CLYBL: variants seen among roughly 807,000 people sequenced by gnomAD.
The protein encoded by CLYBL is citramalyl-CoA lyase, also known as citramalyl-CoA lyase, mitochondrial.
A neutral mutation model predicts 38.9 loss-of-function variants in CLYBL; 31 were observed. The ratio of observed to expected loss-of-function variants is 0.80; its 90% CI spans 0.60 to 1.08. The LOEUF (loss-of-function observed/expected upper bound fraction) is 1.08, where lower values mean the gene tolerates loss of function less well. Among genes scored for constraint, CLYBL ranks in the 50% least tolerant of loss-of-function variants. CLYBL has a pLI of 0.00. For missense variants in CLYBL, 434 were observed against 411.6 expected, an observed-to-expected ratio of 1.05 and a Z score of -0.47; for synonymous variants, 171 against 158.6, an observed-to-expected ratio of 1.08 and a Z score of -0.59.
intron 2 of CLYBL, among the ~76,000 whole-genome samples, chr13:99,819,438 ATATATATATATATATATATATAT>A (rs2050534836): frequency 2.9e-5 from 3 of 104,978 alleles, no homozygotes; most frequent in Admixed American, 8.9e-5. Flanking sequence ...ATATATATAT[ATATATATATATATATATATATAT>A]ATATATAATA....
chr13:99,902,741 T>C (rs2052655888), intron 8 of CLYBL, among the ~76,000 whole-genome samples: 1 of 152,230 alleles, frequency 6.6e-6, no homozygotes, highest in African/African-American at 2.4e-5. Flanking sequence ...AGAGTCCCAG[T>C]TTGTTGACCT....
chr13:99,840,774 AAAAAAAG>A lies in CLYBL; in HGVS notation c.250-18086_250-18080del, dbSNP rs1392666583. 5.5e-4 allele frequency among the ~76,000 whole-genome samples: 81 copies of A among 146,666 alleles called. 1 individual carries two copies. The highest frequency in any genetic ancestry group is 1.9e-3 in the African/African-American group (70 of 37,718). Reference sequence around the variant, plus strand: ...TCAAAAAAAAAAAAAAAAAAAAAAAAAAAAAAGGGTTACATATGCATATGAAAAAAGG... The same window carrying A: ...TCAAAAAAAAAAAAAAAAAAAAAAAAGGTTACATATGCATATGAAAAAAGG... On this transcript the variant is annotated intron_variant, in intron 2 of 8. Transcript: ENST00000339105.
chr13:99,656,071 G>T (rs2047325814), intron 1 of CLYBL, among the ~76,000 whole-genome samples: 1 of 151,992 alleles, frequency 6.6e-6, no homozygotes, highest in Admixed American at 6.6e-5. Context: ...CTTTTTTCCA[G>T]ACCCACCCCC....
chr13:99,621,631 G>A (rs546736985), intron 1 of CLYBL, among the ~76,000 whole-genome samples: 5 of 152,222 alleles, frequency 3.3e-5, no homozygotes, highest in East Asian at 1.9e-4. Flanking sequence ...ACAGATTATC[G>A]CAAACATGGT....
At chr13:99,770,839 A>G (rs1317198405) in intron 1 of CLYBL, among the ~76,000 whole-genome samples, 15 of 151,522 alleles carry the variant, frequency 9.9e-5, no homozygotes, top group African/African-American at 3.6e-4. Flanking sequence ...CTCCTGCCTC[A>G]GCCTCCCAAG....
intron 2 of CLYBL, among the ~76,000 whole-genome samples, chr13:99,805,784 A>G (rs2050221199): frequency 1.3e-5 from 2 of 152,178 alleles, no homozygotes; most frequent in South Asian, 4.1e-4. Context: ...GAGGGAAGAA[A>G]TAATTCTGAA....
chr13:99,804,789 T>C (rs1018781171), intron 2 of CLYBL, among the ~76,000 whole-genome samples: 2 of 152,224 alleles, frequency 1.3e-5, no homozygotes, highest in African/African-American at 4.8e-5. Flanking sequence ...ATTTTACCAT[T>C]TAAACCATTT....
At chr13:99,633,738 GAA>G (rs1183431265) in intron 1 of CLYBL, among the ~76,000 whole-genome samples, 2 of 152,084 alleles carry the variant, frequency 1.3e-5, no homozygotes, top group East Asian at 1.9e-4. Flanking sequence ...TGAATTTTAT[GAA>G]AAGAGAGGTG....
intron 2 of CLYBL, among the ~76,000 whole-genome samples, chr13:99,798,598 G>A (rs12429721): frequency 0.13 from 20,069 of 152,134 alleles, 1,727 homozygotes; most frequent in East Asian, 0.37. Flanking sequence ...ATTAATACAT[G>A]TAAACATCCA....
intron 2 of CLYBL, among the ~76,000 whole-genome samples, chr13:99,853,957 C>T (rs935637589): frequency 1.1e-4 from 17 of 152,166 alleles, no homozygotes; most frequent in African/African-American, 3.6e-4. Context: ...CATCATTTTA[C>T]ACATTAGATG....
chr13:99,625,871 T>G (rs914196481), intron 1 of CLYBL, among the ~76,000 whole-genome samples: 36 of 152,314 alleles, frequency 2.4e-4, no homozygotes, highest in Admixed American at 5.2e-4. Flanking sequence ...GAAGAACATT[T>G]CCTGAGGATC....
chr13:99,904,051 A>AC (rs113100283), intron 8 of CLYBL, among the ~76,000 whole-genome samples: 69 of 152,002 alleles, frequency 4.5e-4, no homozygotes, highest in African/African-American at 1.7e-3. Context: ...CTCTTAAAAA[A>AC]AAAAACAAAA....
intron 1 of CLYBL, among the ~76,000 whole-genome samples, chr13:99,731,565 C>T (rs923204685): frequency 6.6e-6 from 1 of 151,164 alleles, no homozygotes; most frequent in East Asian, 1.9e-4. Flanking sequence ...CTGATGGTTT[C>T]ACCAGCAGAA....
intron 1 of CLYBL, among the ~76,000 whole-genome samples, chr13:99,696,817 C>A (rs2047986630): frequency 6.6e-6 from 1 of 151,586 alleles, no homozygotes; most frequent in African/African-American, 2.4e-5. Context: ...ACAAAAAAAA[C>A]CCACACAAAT....
At chr13:99,614,140 T>C (rs910624280) in intron 1 of CLYBL, among the ~76,000 whole-genome samples, 3 of 151,878 alleles carry the variant, frequency 2.0e-5, no homozygotes, top group Non-Finnish European at 4.4e-5. Context: ...CAGGGCAGGA[T>C]ACAGAGCCCA....
At chr13:99,884,856 A>G (rs2052306835) in intron 7 of CLYBL, 3 of 412,754 alleles carry the variant, frequency 7.3e-6, no homozygotes, top group South Asian at 5.5e-5. Context: ...TTAAAGATTC[A>G]GCAGGGATGT....
intron 2 of CLYBL, among the ~76,000 whole-genome samples, chr13:99,783,455 G>T (rs2049705230): frequency 1.2e-5 from 1 of 84,688 alleles, no homozygotes; most frequent in Non-Finnish European, 2.2e-5. Context: ...CAGTACTTTG[G>T]GGTGTAATTT....
chr13:99,775,207 C>CTTT (rs2049486445), intron 2 of CLYBL, among the ~76,000 whole-genome samples: 2 of 152,106 alleles, frequency 1.3e-5, no homozygotes, highest in Non-Finnish European at 2.9e-5. Context: ...TCCTCCAATA[C>CTTT]CCACCTGAGA....
intron 1 of CLYBL, among the ~76,000 whole-genome samples, chr13:99,715,477 A>T (rs773194554): frequency 1.7e-4 from 25 of 146,474 alleles, no homozygotes; most frequent in Non-Finnish European, 6.0e-5. Context: ...ATCTCAACTC[A>T]CTGCAGCCTG....
Sources: gnomAD v4.1 joint callset for allele counts (sites outside exome capture counted in the v4.1 genomes callset) on GRCh38, gnomAD v4.1.1 for gene constraint, MANE v1.5 for transcripts, NCBI Gene and HGNC (gene_info 2026-07-23, HGNC 2026-07-21) for gene names.